Variants in ADAMTS14 observed in about 807,000 individuals in gnomAD.
ADAMTS14 encodes A disintegrin and metalloproteinase with thrombospondin motifs 14.
A neutral mutation model predicts 128.6 loss-of-function variants in ADAMTS14; 100 were observed. The observed-to-expected ratio is 0.78, with a 90% CI of 0.66 to 0.92. ADAMTS14 has a LOEUF of 0.92. Among genes scored for constraint, ADAMTS14 ranks in the 40% least tolerant of loss-of-function variants. The pLI is 0.00. For synonymous variants in ADAMTS14, 665 were observed against 653.8 expected, an observed-to-expected ratio of 1.02 and a Z score of -0.26; for missense variants, 1,562 against 1,658.6, an observed-to-expected ratio of 0.94 and a Z score of 1.01.
intron 4 of ADAMTS14, among the ~76,000 whole-genome samples, chr10:70,718,529 A>G (rs1197519824): frequency 4.6e-5 from 7 of 151,634 alleles, no homozygotes. Context: ...CTGGGGTTAC[A>G]GGCGTGCCAC....
At chr10:70,741,276 G>A in intron 12 of ADAMTS14, 114 bp downstream of exon 12, 1 of 1,312,364 alleles carries the variant, frequency 7.6e-7, no homozygotes, top group Non-Finnish European at 1.0e-6. Flanking sequence ...GAGGGACAGT[G>A]GGGGTGCCAA....
At chr10:70,743,484 G>A (rs1364337856) in intron 12 of ADAMTS14, 64 bp from the exon 13 acceptor site, 2 of 1,543,954 alleles carry the variant, frequency 1.3e-6, no homozygotes, top group Non-Finnish European at 1.7e-6. Context: ...ACCACATACT[G>A]ATCTGTCCTG....
Position 70,751,497 on chromosome 10 carries a change from G to A in ADAMTS14, c.2447G>A (p.Gly816Asp), listed in dbSNP as rs770946609. 2 of 1,606,614 alleles carry A rather than the reference G, an allele frequency of 1.2e-6. No homozygotes were observed. The highest frequency in any genetic ancestry group is 1.7e-6 in the Non-Finnish European group (2 of 1,173,814). ...CCTCAGGCTCTCCCCCCAACTGAGG[G>A]TGGCCCCCGCAGCAGCCTGGCCTAC... ...IAILALPPTE[G>D]GPRSSLAYKY... The change falls in exon 17 of 22, where the codon GGT becomes GAT. Residue 816 changes from glycine to aspartate, a missense_variant. Gly to Asp is a moderately conservative substitution (Grantham distance 94). Transcript: ENST00000373207.
intron 15 of ADAMTS14, among the ~76,000 whole-genome samples, chr10:70,747,712 G>A (rs963761223): frequency 5.9e-5 from 9 of 152,198 alleles, no homozygotes; most frequent in African/African-American, 1.7e-4. Flanking sequence ...CCTGTTTGTC[G>A]GGTGAGTTCC....
In ADAMTS14 at chr10:70,672,706, G is replaced by T; in HGVS notation, c.-97G>T. Reference sequence around the variant, plus strand: ...GAGGCGGCAGCGGCGGCAGCCAGCCGGTGCTCCGACAGCCCGGGGCGCACC... The same window carrying T: ...GAGGCGGCAGCGGCGGCAGCCAGCCTGTGCTCCGACAGCCCGGGGCGCACC... On this transcript the variant is annotated 5_prime_UTR_variant, in exon 1 of 22. Coordinates refer to ENST00000373207, the MANE Select transcript of ADAMTS14 (RefSeq NM_080722.4). 1 of 1,323,720 alleles carries T rather than the reference G, an allele frequency of 7.6e-7. No individual in the cohort carries two copies. The highest frequency in any genetic ancestry group is 2.0e-5 in the South Asian group (1 of 50,334). 82.0% of individuals were successfully genotyped at this position (1,323,720 alleles called of 1,614,324 possible).
In ADAMTS14 at chr10:70,746,875, T is replaced by C. The variant is rs572577263; in HGVS notation, c.2263+1569T>C. 8.7e-4 allele frequency among the ~76,000 whole-genome samples: 132 copies of C among 152,272 alleles called. 1 individual carries two copies. The highest frequency in any genetic ancestry group is 3.2e-3 in the African/African-American group (132 of 41,556). ...GGGCAGAAGGCTGCTTCTCCCACAC[T>C]GGGCAGTGGTGTCTGTGTTCAGACC... is the stretch of plus-strand genomic sequence containing the variant. On this transcript the variant is annotated intron_variant, in intron 15 of 21. Transcript: ENST00000373207.
intron 1 of ADAMTS14, 72 bp from the exon 2 acceptor site, chr10:70,674,484 G>T (rs546591372): frequency 1.4e-6 from 2 of 1,479,344 alleles, no homozygotes; most frequent in Non-Finnish European, 1.8e-6. Flanking sequence ...CTCCCTGCCC[G>T]CGTGGGATTT....
At chr10:70,736,278 G>A (rs988211542) in intron 9 of ADAMTS14, among the ~76,000 whole-genome samples, 1 of 152,142 alleles carries the variant, frequency 6.6e-6, no homozygotes, top group Non-Finnish European at 1.5e-5. Context: ...GGGGTGGGGG[G>A]GGTCTGGGCT....
At chr10:70,724,277 A>G (rs1374294139) in intron 4 of ADAMTS14, among the ~76,000 whole-genome samples, 2 of 152,182 alleles carry the variant, frequency 1.3e-5, no homozygotes, top group African/African-American at 4.8e-5. Context: ...TACTTTGAAC[A>G]TGGCGCAGAG....
intron 21 of ADAMTS14, among the ~76,000 whole-genome samples, chr10:70,759,903 G>A (rs1006389560): frequency 6.6e-6 from 1 of 152,246 alleles, no homozygotes; most frequent in African/African-American, 2.4e-5. Flanking sequence ...TGTGGGTGAA[G>A]GAGACAGGCA....
At chr10:70,745,085 A>G in intron 14 of ADAMTS14, 141 bp from the exon 15 acceptor site, 1 of 754,704 alleles carries the variant, frequency 1.3e-6, no homozygotes, top group Non-Finnish European at 2.2e-6. Context: ...TCCTCAGTTT[A>G]CAAATGAGGA....
At chr10:70,686,274 CTTTTTTT>C (rs5785998) in intron 2 of ADAMTS14, among the ~76,000 whole-genome samples, 1 of 125,334 alleles carries the variant, frequency 8.0e-6, no homozygotes, top group African/African-American at 3.0e-5. Flanking sequence ...TCAGCCTTTG[CTTTTTTT>C]TTTTTTTTTT....
chr10:70,701,689 A>G (rs1156779684), intron 2 of ADAMTS14, among the ~76,000 whole-genome samples: 1 of 152,192 alleles, frequency 6.6e-6, no homozygotes, highest in Non-Finnish European at 1.5e-5. Flanking sequence ...TATTTGATGT[A>G]GGGAATCATT....
Position 70,758,300 on chromosome 10 carries a change from T to C in ADAMTS14, c.3178+15T>C, listed in dbSNP as rs1249523157. The C allele has an allele frequency of 1.1e-5, 18 of 1,610,276 alleles. No individual in the cohort carries two copies. Among genetic ancestry groups the C allele is most frequent in the Non-Finnish European group, 1.5e-5 (18 of 1,177,564 alleles). ...GATATCATCAAGTAAGTACAGTCTA[T>C]GGACCCTACCCTGCTCCCCAGACCT... On this transcript the variant is annotated intron_variant, in intron 21 of 21. Coordinates refer to ENST00000373207, the MANE Select transcript of ADAMTS14 (RefSeq NM_080722.4).
Position 70,686,244 on chromosome 10 carries a change from C to T in ADAMTS14, c.522+11249C>T, listed in dbSNP as rs536517712. 2.9e-4 allele frequency among the ~76,000 whole-genome samples: 43 copies of T among 146,932 alleles called. 2 individuals are homozygous for T. Among genetic ancestry groups the T allele is most frequent in the African/African-American group, 9.0e-4 (36 of 39,996 alleles). On this transcript the variant is annotated intron_variant, in intron 2 of 21. Transcript: ENST00000373207. Reference sequence around the variant, plus strand: ...GTCTGAATGCAAACTCTGTTCCCAACGGGTGGCTGAAGGCCTTTGTCAGCC... The same window carrying T: ...GTCTGAATGCAAACTCTGTTCCCAATGGGTGGCTGAAGGCCTTTGTCAGCC...
intron 2 of ADAMTS14, among the ~76,000 whole-genome samples, chr10:70,691,268 G>A (rs558007034): frequency 7.0e-6 from 1 of 143,712 alleles, no homozygotes; most frequent in East Asian, 2.0e-4. Flanking sequence ...CCAAGGCAGG[G>A]CCTCCCTTGA....
In ADAMTS14 at chr10:70,736,599, C is replaced by T. The variant is rs961051172; in HGVS notation, c.1486-81C>T. On this transcript the variant is annotated intron_variant, in intron 9 of 21. Coordinates refer to ENST00000373207, the MANE Select transcript of ADAMTS14 (RefSeq NM_080722.4). Reference sequence around the variant, plus strand: ...CCCTGGGTGCCTGCACTCATCACACCCTCTTTTCTCTCCATCACTACCCTT... The same window carrying T: ...CCCTGGGTGCCTGCACTCATCACACTCTCTTTTCTCTCCATCACTACCCTT... 5.2e-6 allele frequency: 7 copies of T among 1,357,084 alleles called. No individual in the cohort carries two copies. In the South Asian group the frequency reaches 9.5e-5, roughly 18 times the overall value. 84.1% of individuals were successfully genotyped at this position (1,357,084 alleles called of 1,614,324 possible).
intron 4 of ADAMTS14, among the ~76,000 whole-genome samples, chr10:70,727,424 G>C (rs1434861075): frequency 2.0e-5 from 3 of 152,252 alleles, no homozygotes; most frequent in Non-Finnish European, 4.4e-5. Flanking sequence ...TGGGGAGATG[G>C]AAGTAGTGAG....
intron 17 of ADAMTS14, 111 bp downstream of exon 17, chr10:70,751,757 C>A: frequency 7.2e-7 from 1 of 1,387,578 alleles, no homozygotes; most frequent in East Asian, 2.4e-5. Context: ...GCTTATGACT[C>A]AGTTTCTCCT....
Sources: gnomAD v4.1 joint callset for allele counts (sites outside exome capture counted in the v4.1 genomes callset) on GRCh38, gnomAD v4.1.1 for gene constraint, MANE v1.5 for transcripts, NCBI Gene and HGNC (gene_info 2026-07-23, HGNC 2026-07-21) for gene names.